The following NDRG2 variants were observed in gnomAD, a reference collection of about 807,000 sequenced individuals.
NDRG2 encodes NDRG family member 2.
NDRG2 carries 34 observed loss-of-function variants against 58.2 expected under a neutral mutation model. The ratio of observed to expected loss-of-function variants is 0.58; its 90% CI spans 0.44 to 0.78. NDRG2 has a LOEUF of 0.78. NDRG2 is among the 30% of genes least tolerant of loss of function. The probability of loss-of-function intolerance (pLI) is 0.00; values close to 1 mark genes in which losing one functional copy is unlikely to be tolerated. For missense variants in NDRG2, 434 were observed against 471.2 expected (o/e 0.92, Z 0.73); for synonymous variants, 187 against 175.9 (o/e 1.06, Z -0.50).
At chr14:21,058,928 G>GTAAAAA (rs1885810532) in intron 1 of NDRG2, among the ~76,000 whole-genome samples, 20 of 151,682 alleles carry the variant, frequency 1.3e-4, no homozygotes, top group Admixed American at 1.3e-3. Flanking sequence ...AAAAGGCCCT[G>GTAAAAA]AAACACTTAC....
chr14:21,070,126 G>T lies in NDRG2; in HGVS notation c.24+702C>A. 1 of 209,710 alleles carries T rather than the reference G, an allele frequency of 4.8e-6. No individual in the cohort carries two copies. 13.0% of individuals were successfully genotyped at this position (209,710 alleles called of 1,614,324 possible). ...GATAGGCTGGGGACGCCCGGGGAAC[G>T]GCAGAGATCTCGGCGCGGGAGACAG... On this transcript the variant is annotated intron_variant, in intron 1 of 14. Transcript: ENST00000403829. The surrounding 1 kb of genome is among the most constrained non-coding windows in gnomAD (Gnocchi z 4.7).
chr14:21,044,393 G>A (rs1366022772), intron 1 of NDRG2, among the ~76,000 whole-genome samples: 1 of 152,186 alleles, frequency 6.6e-6, no homozygotes. Context: ...GGGAGTGTCT[G>A]AGCTTCATCC....
At chr14:21,045,703 A>C (rs910934338) in intron 1 of NDRG2, among the ~76,000 whole-genome samples, 1 of 152,238 alleles carries the variant, frequency 6.6e-6, no homozygotes, top group Non-Finnish European at 1.5e-5. Flanking sequence ...CTCCCAAAAT[A>C]AGAAGAATTT....
At chr14:21,069,443 C>A (rs941638826) in intron 1 of NDRG2, among the ~76,000 whole-genome samples, 2 of 152,214 alleles carry the variant, frequency 1.3e-5, no homozygotes, top group Non-Finnish European at 2.9e-5. Flanking sequence ...AGGCCTGGTG[C>A]CTTCCCTCTT....
intron 1 of NDRG2, chr14:21,043,744 C>A (rs887179786): frequency 8.3e-6 from 3 of 359,508 alleles, no homozygotes; most frequent in Non-Finnish European, 1.6e-5. Context: ...TCCCCTGCCC[C>A]CTGGCATTAG....
chr14:21,064,392 C>G (rs1456694111), intron 1 of NDRG2, among the ~76,000 whole-genome samples: 1 of 148,356 alleles, frequency 6.7e-6, no homozygotes, highest in Non-Finnish European at 1.5e-5. Context: ...ACCTCTGCCC[C>G]TTGGGTTCAA....
chr14:21,059,153 A>T (rs1885821284), intron 1 of NDRG2, among the ~76,000 whole-genome samples: 3 of 152,204 alleles, frequency 2.0e-5, no homozygotes. Context: ...GTGTGTGCGC[A>T]AGACCAGAGT....
At chr14:21,047,034 T>C (rs913492640) in intron 1 of NDRG2, 1 of 152,182 alleles carries the variant, frequency 6.6e-6, no homozygotes, top group Non-Finnish European at 1.5e-5. Flanking sequence ...CAAATCATTG[T>C]TGATCAAGGG....
intron 1 of NDRG2, among the ~76,000 whole-genome samples, chr14:21,069,888 A>G (rs371373477): frequency 8.1e-4 from 123 of 152,176 alleles, no homozygotes; most frequent in African/African-American, 2.8e-3. Context: ...CCGCAGGAAG[A>G]CCCCAGTTCT....
At chr14:21,020,054 G>A in intron 8 of NDRG2, 78 bp from the exon 9 acceptor site, 1 of 1,345,736 alleles carries the variant, frequency 7.4e-7, no homozygotes, top group Admixed American at 1.8e-5. Flanking sequence ...CCAGCACTTT[G>A]GGAGGCCGAG....
chr14:21,024,500 A>C lies in NDRG2; in HGVS notation c.-477T>G, dbSNP rs949797336. 2.0e-6 allele frequency: 2 copies of C among 984,498 alleles called. No homozygotes were observed. Among genetic ancestry groups the C allele is most frequent in the African/African-American group, 3.5e-5 (2 of 57,206 alleles). The allele number at this position is 984,498 out of a possible 1,614,324, so 61.0% of individuals were successfully genotyped here. On this transcript the variant is annotated 5_prime_UTR_variant, in exon 1 of 16. Transcript: ENST00000556147. ...ATAGGGGATCCCCAAAATTTTTGAC[A>C]GCTCTCCAGTAAGAGGAGGGTAGCA...
chr14:21,040,903 C>T (rs185020017), intron 1 of NDRG2, among the ~76,000 whole-genome samples: 3 of 152,224 alleles, frequency 2.0e-5, no homozygotes, highest in Non-Finnish European at 2.9e-5. Flanking sequence ...GCAAAGTATA[C>T]GTATTTTTTT....
At position 21,017,979 on chromosome 14, in the gene NDRG2, A is replaced by T. The variant is rs374907802; in HGVS notation, c.949+8T>A. 2.8e-5 allele frequency: 46 copies of T among 1,614,068 alleles called. No individual in the cohort carries two copies. Among genetic ancestry groups the T allele is most frequent in the Non-Finnish European group, 3.7e-5 (44 of 1,180,040 alleles). Reference sequence around the variant, plus strand: ...TCTAGTGCAGCAAGCTCTTGTCCCGATACTCACTGTAGCCCATGCCTTGCA... The same window carrying T: ...TCTAGTGCAGCAAGCTCTTGTCCCGTTACTCACTGTAGCCCATGCCTTGCA... On this transcript the variant is annotated splice_region_variant and intron_variant, in intron 15 of 15. Coordinates refer to ENST00000556147, the MANE Select transcript of NDRG2 (RefSeq NM_001320329.2).
At chr14:21,044,545 C>G (rs1028451068) in intron 1 of NDRG2, among the ~76,000 whole-genome samples, 2 of 152,212 alleles carry the variant, frequency 1.3e-5, no homozygotes, top group Non-Finnish European at 2.9e-5. Flanking sequence ...TACCCTGGCT[C>G]TCCACTCTGG....
At chr14:21,021,452 T>TTC in intron 6 of NDRG2, 1 of 320,154 alleles carries the variant, frequency 3.1e-6, no homozygotes, top group Non-Finnish European at 6.0e-6. Context: ...ATCCACCAGG[T>TTC]GTGGGCATGA....
intron 1 of NDRG2, chr14:21,030,990 G>A (rs758017782): frequency 6.3e-7 from 1 of 1,586,546 alleles, no homozygotes; most frequent in African/African-American, 1.4e-5. Flanking sequence ...CAAAGTTTCT[G>A]GATTTCTGTC....
At chr14:21,035,534 T>A (rs549187937) in intron 1 of NDRG2, among the ~76,000 whole-genome samples, 2 of 152,192 alleles carry the variant, frequency 1.3e-5, no homozygotes, top group African/African-American at 2.4e-5. Flanking sequence ...CTGCAAGGTG[T>A]CTTCCAGATT....
intron 15 of NDRG2, 32 bp downstream of exon 15, chr14:21,017,955 C>G: frequency 1.9e-6 from 3 of 1,614,124 alleles, no homozygotes; most frequent in Non-Finnish European, 2.5e-6. Context: ...TATCTCTCCT[C>G]TAGTGCAGCA....
At chr14:21,069,039 C>T (rs188036936) in intron 1 of NDRG2, among the ~76,000 whole-genome samples, 183 of 152,372 alleles carry the variant, frequency 1.2e-3, no homozygotes, top group African/African-American at 4.2e-3. Context: ...TGCAGGGGCA[C>T]ACGCGTTCAC....
Sources: gnomAD v4.1 joint callset for allele counts (sites outside exome capture counted in the v4.1 genomes callset) on GRCh38, gnomAD v4.1.1 for gene constraint, Gnocchi (gnomAD v3.1) non-coding constraint, MANE v1.5 for transcripts, NCBI Gene and HGNC (gene_info 2026-07-23, HGNC 2026-07-21) for gene names.